The following COMMD10 variants were observed in gnomAD, a reference collection of about 807,000 sequenced individuals.
COMMD10 encodes COMM domain containing 10.
Under a neutral mutation model 28.9 loss-of-function variants are expected in COMMD10, and 33 were observed. The observed-to-expected ratio is 1.14, with a 90% CI of 0.87 to 1.53. The LOEUF is 1.53. Among genes scored for constraint, COMMD10 ranks in the 40% most tolerant of loss-of-function variants. COMMD10 has a pLI of 0.00. For missense variants in COMMD10, 310 were observed against 233.4 expected, an observed-to-expected ratio of 1.33 and a Z score of -2.14; for synonymous variants, 110 against 81.7, an observed-to-expected ratio of 1.35 and a Z score of -1.87.
chr5:116,151,357 G>A (rs9688226), intron 5 of COMMD10, among the ~76,000 whole-genome samples: 47,326 of 151,458 alleles, frequency 0.31, 10,264 homozygotes, highest in African/African-American at 0.62. Flanking sequence ...TTGGTATCAG[G>A]ATGATGCTGG....
At chr5:116,214,052 G>A (rs1469709876) in intron 5 of COMMD10, among the ~76,000 whole-genome samples, 4 of 151,992 alleles carry the variant, frequency 2.6e-5, no homozygotes, top group Non-Finnish European at 5.9e-5. Flanking sequence ...TATTATGTAG[G>A]GTAGCCTAAA....
intron 4 of COMMD10, among the ~76,000 whole-genome samples, chr5:116,102,215 A>G (rs1219148310): frequency 6.6e-6 from 1 of 152,154 alleles, no homozygotes; most frequent in Non-Finnish European, 1.5e-5. Flanking sequence ...CTCTTAATTC[A>G]TCTTGAGATT....
chr5:116,112,549 C>T (rs568143914), intron 4 of COMMD10, among the ~76,000 whole-genome samples: 8 of 152,102 alleles, frequency 5.3e-5, no homozygotes, highest in South Asian at 4.1e-4. Context: ...TATAGGTGCG[C>T]GCCACCATGC....
chr5:116,131,626 C>CT (rs1210410688), intron 4 of COMMD10, among the ~76,000 whole-genome samples: 1 of 151,980 alleles, frequency 6.6e-6, no homozygotes, highest in African/African-American at 2.4e-5. Context: ...AGTGTTGACT[C>CT]TGTCAGAGGC....
intron 5 of COMMD10, among the ~76,000 whole-genome samples, chr5:116,187,111 A>C (rs1169367318): frequency 1.3e-5 from 2 of 152,156 alleles, no homozygotes; most frequent in African/African-American, 4.8e-5. Flanking sequence ...AAAAATCAAA[A>C]CAAAAAACTT....
intron 5 of COMMD10, among the ~76,000 whole-genome samples, chr5:116,289,025 G>A (rs1321205286): frequency 6.6e-6 from 1 of 151,190 alleles, no homozygotes; most frequent in Non-Finnish European, 1.5e-5. Flanking sequence ...GGGATTAAAG[G>A]TGCATGCCAC....
intron 5 of COMMD10, among the ~76,000 whole-genome samples, chr5:116,172,087 A>G (rs1753353867): frequency 6.6e-6 from 1 of 152,144 alleles, no homozygotes. Context: ...ACAGAAGAAT[A>G]ACCAAAGGCT....
At position 116,291,523 on chromosome 5, in the gene COMMD10, G is replaced by A; in HGVS notation, c.517G>A (p.Glu173Lys). ...TTGTTTTTCTTCCTTACAGAGCCTG[G>A]AGAAAGTTCTTGTGGAATTCAGTCA... ...GVNNEDSKSL[E>K]KVLVEFSHKE... Residue 173 changes from glutamate (E) to lysine (K), a missense_variant, in exon 6 of 7, where the codon GAG becomes AAG. Glu to Lys is a moderately conservative substitution (Grantham distance 56). Transcript: ENST00000274458. 6.2e-7 allele frequency: 1 copy of A among 1,600,284 alleles called. No individual in the cohort carries two copies. The highest frequency in any genetic ancestry group is 8.5e-7 in the Non-Finnish European group (1 of 1,171,824).
intron 4 of COMMD10, among the ~76,000 whole-genome samples, chr5:116,115,375 C>G (rs746352637): frequency 1.3e-5 from 2 of 152,160 alleles, no homozygotes; most frequent in Non-Finnish European, 2.9e-5. Flanking sequence ...TGTTTGTTGT[C>G]CTCTCTTTTT....
At chr5:116,108,535 G>C (rs1750921579) in intron 4 of COMMD10, among the ~76,000 whole-genome samples, 2 of 152,232 alleles carry the variant, frequency 1.3e-5, no homozygotes, top group African/African-American at 4.8e-5. Context: ...GCGGACGCCT[G>C]TCCCTCCACC....
chr5:116,173,776 G>A (rs571482919), intron 5 of COMMD10, among the ~76,000 whole-genome samples: 77 of 151,656 alleles, frequency 5.1e-4, no homozygotes, highest in Non-Finnish European at 9.0e-4. Flanking sequence ...CAAAGCATTG[G>A]GTATCACCTT....
At chr5:116,242,875 T>A (rs1031729876) in intron 5 of COMMD10, among the ~76,000 whole-genome samples, 1 of 152,080 alleles carries the variant, frequency 6.6e-6, no homozygotes, top group Non-Finnish European at 1.5e-5. Flanking sequence ...TGGATAGGCT[T>A]CAAAAAAGAA....
intron 5 of COMMD10, among the ~76,000 whole-genome samples, chr5:116,137,916 A>T (rs996252180): frequency 6.6e-6 from 1 of 151,916 alleles, no homozygotes; most frequent in Non-Finnish European, 1.5e-5. Context: ...GCAAAGTGAG[A>T]TTATTTTCCT....
chr5:116,085,832 T>C (rs1750074568), intron 1 of COMMD10, among the ~76,000 whole-genome samples: 1 of 152,242 alleles, frequency 6.6e-6, no homozygotes, highest in Non-Finnish European at 1.5e-5. Flanking sequence ...AATTTCTTTG[T>C]GCTTGGATTG....
At chr5:116,262,115 A>G (rs953569674) in intron 5 of COMMD10, among the ~76,000 whole-genome samples, 1 of 151,676 alleles carries the variant, frequency 6.6e-6, no homozygotes, top group African/African-American at 2.4e-5. Flanking sequence ...AGACACAGGC[A>G]GTCTGACTAA....
chr5:116,199,753 T>C (rs970028153), intron 5 of COMMD10, among the ~76,000 whole-genome samples: 2 of 152,118 alleles, frequency 1.3e-5, no homozygotes, highest in Admixed American at 6.6e-5. Context: ...TGAGAAGATA[T>C]TTATTTCTCC....
At chr5:116,238,364 A>C (rs10519448) in intron 5 of COMMD10, among the ~76,000 whole-genome samples, 11,112 of 152,246 alleles carry the variant, frequency 0.073, 481 homozygotes, top group Admixed American at 0.13. Flanking sequence ...GAATGAACTT[A>C]AATTGGGCAA....
intron 5 of COMMD10, among the ~76,000 whole-genome samples, chr5:116,279,534 A>G (rs984956164): frequency 2.6e-5 from 4 of 151,826 alleles, no homozygotes; most frequent in African/African-American, 9.7e-5. Context: ...ACTGCATAAT[A>G]TTTTAATGAA....
chr5:116,106,913 A>T (rs1750858136), intron 4 of COMMD10, among the ~76,000 whole-genome samples: 1 of 152,086 alleles, frequency 6.6e-6, no homozygotes, highest in African/African-American at 2.4e-5. Context: ...CACACCAATG[A>T]GTCTTGACTC....
Sources: allele counts gnomAD v4.1 joint callset (sites outside exome capture counted in the v4.1 genomes callset), GRCh38; gene constraint gnomAD v4.1.1; transcripts MANE v1.5; gene names NCBI Gene and HGNC (gene_info 2026-07-23, HGNC 2026-07-21).